The following NPAS3 variants were observed in gnomAD, a reference collection of about 807,000 sequenced individuals.
NPAS3 encodes neuronal PAS domain-containing protein 3.
A neutral mutation model predicts 73.1 loss-of-function variants in NPAS3; 14 were observed. The observed-to-expected ratio is 0.19, with a 90% CI of 0.13 to 0.30. NPAS3 has a LOEUF of 0.30. Among genes scored for constraint, NPAS3 ranks in the 10% least tolerant of loss-of-function variants. NPAS3 has a pLI of 1.00. For missense variants in NPAS3, 1,096 were observed against 1,250.0 expected, an observed-to-expected ratio of 0.88 and a Z score of 1.86; for synonymous variants, 620 against 541.5, an observed-to-expected ratio of 1.14 and a Z score of -2.01.
In NPAS3 at chr14:32,966,381, C is replaced by T. The variant is rs2037159646; in HGVS notation, c.50+27015C>T. Among the ~76,000 whole-genome samples the T allele has an allele frequency of 2.0e-5, 3 of 152,078 alleles. No individual in the cohort carries two copies. In the South Asian group the frequency reaches 6.2e-4, roughly 32 times the overall value. ...AGACCAATGAAAGAGAATAGAGAAG[C>T]TAGAAATGAATCCATGCTTTTATAA... On this transcript the variant is annotated intron_variant, in intron 1 of 11. Transcript: ENST00000356141.
intron 2 of NPAS3, among the ~76,000 whole-genome samples, chr14:33,124,123 AGATTACAG>A (rs1281338271): frequency 6.6e-6 from 1 of 151,914 alleles, no homozygotes; most frequent in Non-Finnish European, 1.5e-5. Context: ...CAAAGTGCTA[AGATTACAG>A]GTGTGAGCCA....
intron 2 of NPAS3, among the ~76,000 whole-genome samples, chr14:33,095,897 C>A (rs1014825426): frequency 6.6e-5 from 10 of 151,562 alleles, no homozygotes; most frequent in African/African-American, 2.2e-4. Context: ...TGGTCTCGAT[C>A]TCCTGACCTC....
At chr14:33,571,998 C>T (rs2056235457) in intron 5 of NPAS3, among the ~76,000 whole-genome samples, 3 of 152,266 alleles carry the variant, frequency 2.0e-5, no homozygotes, top group Admixed American at 2.0e-4. Flanking sequence ...GACAGACTGA[C>T]TTTCTTTTTC....
intron 5 of NPAS3, among the ~76,000 whole-genome samples, chr14:33,635,694 AATCT>A (rs1162010435): frequency 6.6e-6 from 1 of 152,178 alleles, no homozygotes; most frequent in Non-Finnish European, 1.5e-5. Context: ...CTGTATGAGC[AATCT>A]AACTACTGAT....
intron 4 of NPAS3, among the ~76,000 whole-genome samples, chr14:33,388,595 T>C (rs910059749): frequency 1.3e-5 from 2 of 152,130 alleles, no homozygotes; most frequent in Non-Finnish European, 2.9e-5. Context: ...TTATATTAAG[T>C]TATAACTTGA....
intron 4 of NPAS3, among the ~76,000 whole-genome samples, chr14:33,386,500 T>C (rs2046781037): frequency 9.1e-6 from 1 of 110,282 alleles, no homozygotes; most frequent in South Asian, 3.3e-4. Context: ...TGTATCCACT[T>C]TCAGTTTCAA....
intron 5 of NPAS3, among the ~76,000 whole-genome samples, chr14:33,651,562 T>A (rs1446868656): frequency 6.6e-6 from 1 of 152,102 alleles, no homozygotes; most frequent in Non-Finnish European, 1.5e-5. Context: ...AACCCACAAG[T>A]ATATAGCTTT....
chr14:33,063,779 A>G (rs1037194398), intron 2 of NPAS3, among the ~76,000 whole-genome samples: 1 of 152,216 alleles, frequency 6.6e-6, no homozygotes, highest in African/African-American at 2.4e-5. Flanking sequence ...GGTCTAAACC[A>G]TAAAAACACT....
At chr14:33,170,643 A>G (rs2045355102) in intron 2 of NPAS3, among the ~76,000 whole-genome samples, 1 of 152,242 alleles carries the variant, frequency 6.6e-6, no homozygotes, top group Admixed American at 6.5e-5. Flanking sequence ...TCACTTCAAC[A>G]ATGTTCACAA....
In NPAS3 at chr14:33,324,872, TCAA is replaced by T. The variant is rs529935496; in HGVS notation, c.386-42313_386-42311del. ...CTCAGTGTAGAATTCTTTTAAAAAT[TCAA>T]AATATGTTACGTGTCCATGATTTTC... On this transcript the variant is annotated intron_variant, in intron 3 of 11. Transcript: ENST00000356141. Among the ~76,000 whole-genome samples the T allele has an allele frequency of 2.5e-3, 378 of 152,252 alleles. 2 individuals carry two copies. The highest frequency in any genetic ancestry group is 8.6e-3 in the African/African-American group (357 of 41,544).
At chr14:33,784,745 A>ATTTATTTTTTTTATTTTTTTTTTTTTT (rs1471526546) in intron 9 of NPAS3, among the ~76,000 whole-genome samples, 1 of 73,840 alleles carries the variant, frequency 1.4e-5, no homozygotes, top group African/African-American at 6.3e-5. Context: ...TTATTTATTT[A>ATTTATTTTTTTTATTTTTTTTTTTTTT]TTTTTTTTTT....
At chr14:33,375,246 A>G (rs1373436270) in intron 4 of NPAS3, among the ~76,000 whole-genome samples, 1 of 152,192 alleles carries the variant, frequency 6.6e-6, no homozygotes, top group African/African-American at 2.4e-5. Context: ...TGTAAAACTA[A>G]ATATAGAAAG....
At chr14:33,404,140 T>C (rs1214337948) in intron 4 of NPAS3, among the ~76,000 whole-genome samples, 1 of 152,130 alleles carries the variant, frequency 6.6e-6, no homozygotes, top group Non-Finnish European at 1.5e-5. Context: ...CTGGAAGGAC[T>C]GGAAATTGCT....
chr14:33,363,039 G>A (rs2045678147), intron 3 of NPAS3, among the ~76,000 whole-genome samples: 1 of 152,082 alleles, frequency 6.6e-6, no homozygotes, highest in Non-Finnish European at 1.5e-5. Context: ...AAGGCAAGTA[G>A]GGCTCGTGAC....
intron 5 of NPAS3, among the ~76,000 whole-genome samples, chr14:33,601,860 A>G (rs1221880464): frequency 6.6e-6 from 1 of 152,174 alleles, no homozygotes. Flanking sequence ...CCTCTAACCA[A>G]GAGTAATAGG....
At chr14:33,564,475 A>G (rs2055823445) in intron 5 of NPAS3, among the ~76,000 whole-genome samples, 1 of 152,240 alleles carries the variant, frequency 6.6e-6, no homozygotes, top group Non-Finnish European at 1.5e-5. Flanking sequence ...ATAAGCAGGC[A>G]GAAGCCCATT....
At chr14:33,448,552 C>T (rs2049631168) in intron 4 of NPAS3, among the ~76,000 whole-genome samples, 1 of 152,158 alleles carries the variant, frequency 6.6e-6, no homozygotes, top group African/African-American at 2.4e-5. Context: ...ATACATAGCG[C>T]TGTGGTTGTC....
chr14:33,746,889 C>G (rs899870893), intron 7 of NPAS3, among the ~76,000 whole-genome samples: 1 of 144,964 alleles, frequency 6.9e-6, no homozygotes, highest in Non-Finnish European at 1.5e-5. Context: ...TGCTATCCCT[C>G]CCCCGTCCCC....
At chr14:33,579,619 G>T (rs2056583457) in intron 5 of NPAS3, among the ~76,000 whole-genome samples, 1 of 151,934 alleles carries the variant, frequency 6.6e-6, no homozygotes, top group Admixed American at 6.6e-5. Flanking sequence ...TAGTTTCCCT[G>T]TTCAGTTGTG....
Sources: allele counts gnomAD v4.1 joint callset (sites outside exome capture counted in the v4.1 genomes callset), GRCh38; gene constraint gnomAD v4.1.1; transcripts MANE v1.5; gene names NCBI Gene and HGNC (gene_info 2026-07-23, HGNC 2026-07-21).